Variants in RSBN1 observed in about 807,000 individuals in gnomAD.
RSBN1 encodes the protein lysine-specific demethylase 9.
A neutral mutation model predicts 74.8 loss-of-function variants in RSBN1; 23 were observed. The ratio of observed to expected loss-of-function variants is 0.31; its 90% confidence interval spans 0.22 to 0.44. The LOEUF is 0.44. RSBN1 is among the 20% of genes least tolerant of loss of function. The probability of loss-of-function intolerance (pLI) is 1.00; values close to 1 mark genes in which losing one functional copy is unlikely to be tolerated. For synonymous variants in RSBN1, 407 were observed against 379.6 expected (o/e 1.07, Z -0.84); for missense variants, 808 against 1,020.9 (o/e 0.79, Z 2.84).
chr1:113,798,549 T>A (rs144711239), intron 1 of RSBN1, among the ~76,000 whole-genome samples: 141 of 152,282 alleles, frequency 9.3e-4, no homozygotes, highest in Non-Finnish European at 1.6e-3. Context: ...GTTGGCAAAG[T>A]CTGCGGTTTC....
chr1:113,809,681 A>C (rs974754424), intron 1 of RSBN1, among the ~76,000 whole-genome samples: 2 of 152,336 alleles, frequency 1.3e-5, no homozygotes, highest in Admixed American at 1.3e-4. Flanking sequence ...CCAAAAGTTA[A>C]AATGTTTAAA....
rs775951282 is a variant in RSBN1, at chr1:113,766,215, G to T, written c.2174C>A (p.Thr725Asn). 10 of 1,614,104 alleles carry T rather than the reference G, an allele frequency of 6.2e-6. No homozygotes were observed. The highest frequency in any genetic ancestry group is 7.6e-6 in the Non-Finnish European group (9 of 1,179,972). Residue 725 changes from threonine to asparagine, a missense_variant, in exon 7 of 7, where the codon ACT (threonine) becomes AAT (asparagine). Thr to Asn is a moderately conservative substitution (Grantham distance 65, BLOSUM62 0). Coordinates refer to ENST00000261441, the MANE Select transcript of RSBN1 (RefSeq NM_018364.5). ...GTCAACTTCTAATTCTCGCTTTCCA[G>T]TTAAACCACAGTCCATGTTAGAATT... is the stretch of plus-strand genomic sequence containing the variant. ...ESNSNMDCGL[T>N]GKRELEVDSQ... is the part of the protein sequence containing the mutation.
At position 113,811,996 on chromosome 1, in the gene RSBN1, C is replaced by T; in HGVS notation, c.417G>A (p.Glu139=). The T allele has an allele frequency of 6.4e-7, 1 of 1,554,992 alleles. No homozygotes were observed. The highest frequency in any genetic ancestry group is 1.2e-5 in the South Asian group (1 of 84,746). The change falls in exon 1 of 7, where the codon GAG becomes GAA. Residue 139 remains glutamate, a synonymous_variant. Coordinates refer to ENST00000261441, the MANE Select transcript of RSBN1 (RefSeq NM_018364.5). The part of the protein sequence containing the change: ...NAAPTVPGPV[E]PLLLPPPPPP... ...GCGGCGGAGGCGGCAGGAGAAGAGG[C>T]TCAACAGGGCCTGGGACAGTTGGGG... is the stretch of plus-strand genomic sequence containing the variant.
rs1231093072 is a variant in RSBN1, at chr1:113,763,715, T to TTTA, written c.*2262_*2264dup. 1 of 152,170 alleles carries TTTA rather than the reference T, an allele frequency of 6.6e-6. No individual in the cohort carries two copies. The highest frequency in any genetic ancestry group is 1.5e-5 in the Non-Finnish European group (1 of 67,926). The allele number at this position is 152,170 out of a possible 1,614,324, so 9.4% of individuals were successfully genotyped here. ...ATTTTTATTGTACTCTTTTAATGTG[T>TTTA]TTATATTGGAGGTGAGGGTAGAATG... On this transcript the variant is annotated 3_prime_UTR_variant, in exon 7 of 7. Transcript: ENST00000261441.
chr1:113,790,878 A>G (rs1660351158), intron 2 of RSBN1, among the ~76,000 whole-genome samples: 1 of 152,228 alleles, frequency 6.6e-6, no homozygotes, highest in South Asian at 2.1e-4. Context: ...GACCTCATGA[A>G]CCAAAATTTC....
intron 4 of RSBN1, among the ~76,000 whole-genome samples, chr1:113,771,603 G>A (rs988434732): frequency 6.9e-6 from 1 of 144,492 alleles, no homozygotes; most frequent in Non-Finnish European, 1.5e-5. Context: ...CAACACCAAT[G>A]TCCTCTCAAA....
intron 3 of RSBN1, 80 bp from the exon 4 acceptor site, chr1:113,777,432 C>T: frequency 7.2e-7 from 1 of 1,392,872 alleles, no homozygotes. Context: ...AATAAAAGTT[C>T]TAAGAAGGCT....
intron 5 of RSBN1, chr1:113,768,016 C>A: frequency 2.3e-6 from 1 of 426,694 alleles, no homozygotes; most frequent in Non-Finnish European, 4.2e-6. Flanking sequence ...GTTACAGCCT[C>A]GCAAGATGAA....
intron 1 of RSBN1, among the ~76,000 whole-genome samples, chr1:113,810,981 G>A (rs1660827501): frequency 6.6e-6 from 1 of 152,108 alleles, no homozygotes; most frequent in Admixed American, 6.5e-5. Flanking sequence ...AGGGCTATTG[G>A]AATTAACAGA....
At position 113,767,189 on chromosome 1, in the gene RSBN1, T is replaced by A; in HGVS notation, c.1845A>T (p.Ile615=). The change falls in exon 6 of 7, where the codon ATA becomes ATT. Residue 615 remains isoleucine, a synonymous_variant. Transcript: ENST00000261441. ...QFGEWSDQPR[I]TKDVICFHAE... ...CATGAAAACAAATCACATCTTTGGT[T>A]ATGCGAGGTTGGTCACTCCTAAGAT... 6.2e-7 allele frequency: 1 copy of A among 1,610,486 alleles called. No individual in the cohort carries two copies. Among genetic ancestry groups the A allele is most frequent in the Non-Finnish European group, 8.5e-7 (1 of 1,177,918 alleles).
Position 113,811,889 on chromosome 1 carries a change from G to C in RSBN1, c.524C>G (p.Pro175Arg). 1 of 1,612,748 alleles carries C rather than the reference G, an allele frequency of 6.2e-7. No homozygotes were observed. The change falls in exon 1 of 7, where the codon CCT becomes CGT. Residue 175 changes from proline to arginine, a missense_variant. Physicochemically the swap from Pro to Arg is moderately radical, Grantham distance 103. Transcript: ENST00000261441. ...PSTSALFTFSPLTVSAAGPKH... is the reference protein window; with the variant it reads ...PSTSALFTFSRLTVSAAGPKH... ...GGGCCCGGCCGCGCTCACCGTCAGA[G>C]GCGAGAAGGTGAAGAGGGCCGAGGT...
intron 1 of RSBN1, among the ~76,000 whole-genome samples, chr1:113,805,798 T>C (rs1482398772): frequency 6.6e-6 from 1 of 152,232 alleles, no homozygotes; most frequent in Non-Finnish European, 1.5e-5. Flanking sequence ...TGAACTGCTG[T>C]GCAGGAAGGA....
chr1:113,811,917 T>A lies in RSBN1; in HGVS notation c.496A>T (p.Ser166Cys), dbSNP rs369967275. ...GAGAAGGTGAAGAGGGCCGAGGTGC[T>A]TGGGGCCGGGAGAGGGGCAGCGACA... Reference protein sequence around the residue: ...PAVAAPLPAPSTSALFTFSPL... With the variant: ...PAVAAPLPAPCTSALFTFSPL... The change falls in exon 1 of 7, where the codon AGC becomes TGC. Residue 166 changes from serine (S) to cysteine (C), a missense_variant. By Grantham distance (112) the Ser-to-Cys change is moderately radical. Coordinates refer to ENST00000261441, the MANE Select transcript of RSBN1 (RefSeq NM_018364.5). The A allele has an allele frequency of 6.2e-7, 1 of 1,607,046 alleles. No homozygotes were observed. Among genetic ancestry groups the A allele is most frequent in the African/African-American group, 1.3e-5 (1 of 74,682 alleles).
chr1:113,797,193 G>A lies in RSBN1; in HGVS notation c.1377+170C>T, dbSNP rs1305182593. Among the ~76,000 whole-genome samples the A allele has an allele frequency of 5.9e-5, 9 of 152,072 alleles. 1 individual carries two copies. Among genetic ancestry groups the A allele is most frequent in the Non-Finnish European group, 8.8e-5 (6 of 68,006 alleles). Reference sequence around the variant, plus strand: ...CTCCAGTAAAGAAGAAGCCCCACCCGAACTCAGTAATTAAGATTTTTCAAT... The same window carrying A: ...CTCCAGTAAAGAAGAAGCCCCACCCAAACTCAGTAATTAAGATTTTTCAAT... On this transcript the variant is annotated intron_variant, in intron 2 of 6. Coordinates refer to ENST00000261441, the MANE Select transcript of RSBN1 (RefSeq NM_018364.5).
chr1:113,809,005 GGACTT>G (rs1660775076), intron 1 of RSBN1, among the ~76,000 whole-genome samples: 1 of 151,724 alleles, frequency 6.6e-6, no homozygotes, highest in African/African-American at 2.4e-5. Flanking sequence ...TAAAAGGTAA[GGACTT>G]GACTATGTTT....
At chr1:113,803,862 G>C (rs1386952513) in intron 1 of RSBN1, among the ~76,000 whole-genome samples, 1 of 151,478 alleles carries the variant, frequency 6.6e-6, no homozygotes, top group Non-Finnish European at 1.5e-5. Context: ...CAGCACTTTG[G>C]GAGACTGAGG....
At chr1:113,790,707 T>TA (rs947454497) in intron 2 of RSBN1, among the ~76,000 whole-genome samples, 6 of 152,190 alleles carry the variant, frequency 3.9e-5, no homozygotes, top group African/African-American at 1.4e-4. Context: ...GATTATCTCT[T>TA]AGTTTATGAT....
chr1:113,785,231 T>A (rs565499234), intron 2 of RSBN1, among the ~76,000 whole-genome samples: 20 of 152,324 alleles, frequency 1.3e-4, no homozygotes, highest in African/African-American at 4.6e-4. Flanking sequence ...TCACTGTCTT[T>A]CATCTCCACA....
At chr1:113,778,701 C>G (rs1660081380) in intron 2 of RSBN1, among the ~76,000 whole-genome samples, 1 of 152,142 alleles carries the variant, frequency 6.6e-6, no homozygotes, top group Non-Finnish European at 1.5e-5. Flanking sequence ...TCTGTCAACC[C>G]AAATCGTATC....
Sources: gnomAD v4.1 joint callset for allele counts (sites outside exome capture counted in the v4.1 genomes callset) on GRCh38, gnomAD v4.1.1 for gene constraint, MANE v1.5 for transcripts, NCBI Gene and HGNC (gene_info 2026-07-23, HGNC 2026-07-21) for gene names.